ATXN10: variants seen among roughly 807,000 people sequenced by gnomAD.
ATXN10 encodes the protein ataxin-10.
ATXN10 carries 28 observed loss-of-function variants against 52.9 expected under a neutral mutation model. That is an observed-to-expected ratio of 0.53 (90% CI 0.39 to 0.73). The LOEUF is 0.73. Ranked by LOEUF, ATXN10 falls within the 30% of genes least tolerant of loss-of-function variation. The pLI, the probability that ATXN10 is intolerant of heterozygous loss-of-function variation, is 0.00. For synonymous variants in ATXN10, 226 were observed against 221.5 expected, an observed-to-expected ratio of 1.02 and a Z score of -0.18; for missense variants, 565 against 577.0, an observed-to-expected ratio of 0.98 and a Z score of 0.21.
chr22:45,697,141 A>T (rs879501155), intron 3 of ATXN10, among the ~76,000 whole-genome samples: 103 of 149,666 alleles, frequency 6.9e-4, no homozygotes, highest in Non-Finnish European at 1.3e-3. Context: ...TAAAAAAAAA[A>T]TTTTTTTTTT....
At chr22:45,836,086 G>A (rs544515701) in intron 10 of ATXN10, among the ~76,000 whole-genome samples, 1 of 152,316 alleles carries the variant, frequency 6.6e-6, no homozygotes, top group African/African-American at 2.4e-5. Flanking sequence ...AAGGAAGAGG[G>A]AGCCAAAATG....
At chr22:45,706,543 A>G (rs538369328) in intron 5 of ATXN10, among the ~76,000 whole-genome samples, 4 of 152,304 alleles carry the variant, frequency 2.6e-5, no homozygotes, top group African/African-American at 7.2e-5. Flanking sequence ...TACATCTACA[A>G]ATTTCCTGGT....
At chr22:45,829,020 C>T (rs1228585066) in intron 10 of ATXN10, among the ~76,000 whole-genome samples, 1 of 152,192 alleles carries the variant, frequency 6.6e-6, no homozygotes, top group Admixed American at 6.5e-5. Flanking sequence ...AAGAATTACA[C>T]ACCATGACCA....
chr22:45,671,917 T>G lies in ATXN10; in HGVS notation c.-147T>G, dbSNP rs1922453414. 1 of 858,894 alleles carries G rather than the reference T, an allele frequency of 1.2e-6. No homozygotes were observed. Among genetic ancestry groups the G allele is most frequent in the African/African-American group, 1.8e-5 (1 of 56,644 alleles). 53.2% of individuals were successfully genotyped at this position (858,894 alleles called of 1,614,324 possible). A position where few individuals can be genotyped will look rare whatever the true frequency, so the allele number is the denominator to read the frequency against. ...GGCGCAGCTTCAGGGCAGCGCGGGC[T>G]GCAGCGGCGGCGGCGGTTAGGGCTG... is the stretch of plus-strand genomic sequence containing the variant. On this transcript the variant is annotated 5_prime_UTR_variant, in exon 1 of 12. Transcript: ENST00000252934.
At chr22:45,721,045 G>C (rs550304658) in intron 6 of ATXN10, among the ~76,000 whole-genome samples, 30 of 152,254 alleles carry the variant, frequency 2.0e-4, no homozygotes, top group African/African-American at 6.0e-4. Context: ...AAATTCTTAA[G>C]CTTTTTTCTT....
At position 45,754,211 on chromosome 22, in the gene ATXN10, G is replaced by A. The variant is rs781338618; in HGVS notation, c.1173+13673G>A. On this transcript the variant is annotated intron_variant, in intron 9 of 11. Coordinates refer to ENST00000252934, the MANE Select transcript of ATXN10 (RefSeq NM_013236.4). This position sits in a 1 kb window ranked among gnomAD's most constrained non-coding sequence, Gnocchi z 5.4. ...CCAGCAGCTTGGCACGTGTACCTTCGTGGTGCATGGGAAATTTTGATTCAG... is the reference window on the plus strand; with the variant it reads ...CCAGCAGCTTGGCACGTGTACCTTCATGGTGCATGGGAAATTTTGATTCAG... Among the ~76,000 whole-genome samples the A allele has an allele frequency of 3.9e-5, 6 of 152,242 alleles. No homozygotes were observed. The highest frequency in any genetic ancestry group is 1.2e-4 in the African/African-American group (5 of 41,458).
chr22:45,694,480 C>T (rs1053117491), intron 3 of ATXN10, among the ~76,000 whole-genome samples: 6 of 151,810 alleles, frequency 4.0e-5, no homozygotes, highest in South Asian at 2.1e-4. Flanking sequence ...GGTGAAACCC[C>T]GTTTCCAAAA....
chr22:45,758,681 C>T (rs1345214852), intron 9 of ATXN10, among the ~76,000 whole-genome samples: 1 of 152,250 alleles, frequency 6.6e-6, no homozygotes, highest in Non-Finnish European at 1.5e-5. Context: ...TGCACACGCA[C>T]ATGTGCATAC....
At chr22:45,800,244 C>T (rs1168195573) in intron 9 of ATXN10, among the ~76,000 whole-genome samples, 1 of 152,160 alleles carries the variant, frequency 6.6e-6, no homozygotes, top group Admixed American at 6.5e-5. Context: ...AGGACTTACT[C>T]ATATGCAGAA....
At chr22:45,773,969 T>C (rs1926865088) in intron 9 of ATXN10, among the ~76,000 whole-genome samples, 1 of 152,244 alleles carries the variant, frequency 6.6e-6, no homozygotes, top group Admixed American at 6.5e-5. Context: ...AGATTTCTCA[T>C]TGCAGTCCTG....
rs1475738121 is a variant in ATXN10, at chr22:45,766,339, C to T, written c.1173+25801C>T. 6.6e-6 allele frequency among the ~76,000 whole-genome samples: 1 copy of T among 152,150 alleles called. No individual in the cohort carries two copies. Among genetic ancestry groups the T allele is most frequent in the Non-Finnish European group, 1.5e-5 (1 of 68,018 alleles). The stretch of plus-strand genomic sequence containing the variant: ...GTTGTGAACTGTGCATGCGAGGGAT[C>T]TAGGTTGCAAGCTGTCTATGAGAAT... On this transcript the variant is annotated intron_variant, in intron 9 of 11. Transcript: ENST00000252934. This position sits in a 1 kb window ranked among gnomAD's most constrained non-coding sequence, Gnocchi z 4.6.
rs745800911 is a variant in ATXN10, at chr22:45,672,194, C to CG, written c.116+21dup. The CG allele has an allele frequency of 7.2e-6, 11 of 1,523,254 alleles. No individual in the cohort carries two copies. The East Asian group carries it at 7.6e-5, about 11-fold the overall frequency. The allele number at this position is 1,523,254 out of a possible 1,614,324, so 94.4% of individuals were successfully genotyped here. The stretch of plus-strand genomic sequence containing the variant: ...CAGCGGAACCGGTAACGGGTCCGGC[C>CG]GGGGGGCTGCCCCGGGCAGGGGAGG... On this transcript the variant is annotated intron_variant, in intron 1 of 11. Transcript: ENST00000252934.
chr22:45,700,567 G>A (rs1923804122), intron 4 of ATXN10, among the ~76,000 whole-genome samples, 189 bp downstream of exon 4: 1 of 151,994 alleles, frequency 6.6e-6, no homozygotes, highest in Non-Finnish European at 1.5e-5. Context: ...GGAAGTGTTC[G>A]TCTATATCTT....
chr22:45,773,984 G>A (rs1345215986), intron 9 of ATXN10, among the ~76,000 whole-genome samples: 1 of 152,170 alleles, frequency 6.6e-6, no homozygotes, highest in African/African-American at 2.4e-5. Context: ...GTCCTGTCTG[G>A]GTAGAGAGAA....
intron 4 of ATXN10, among the ~76,000 whole-genome samples, chr22:45,702,416 A>G (rs1022262550): frequency 6.6e-6 from 1 of 152,180 alleles, no homozygotes; most frequent in Non-Finnish European, 1.5e-5. Flanking sequence ...TATAAATGTA[A>G]TCATTCTAAT....
rs1239833525 is a variant in ATXN10, at chr22:45,783,571, G to A, written c.1174-23388G>A. The stretch of plus-strand genomic sequence containing the variant: ...CTCTTCTGTATTCCTGCAGCCCTTC[G>A]TGTTTCCCTCCAGTGCTGGATGTGA... On this transcript the variant is annotated intron_variant, in intron 9 of 11. Coordinates refer to ENST00000252934, the MANE Select transcript of ATXN10 (RefSeq NM_013236.4). This position sits in a 1 kb window ranked among gnomAD's most constrained non-coding sequence, Gnocchi z 5.0. Among the ~76,000 whole-genome samples, 1 of 152,116 alleles carries A rather than the reference G, an allele frequency of 6.6e-6. No individual in the cohort carries two copies. Among genetic ancestry groups the A allele is most frequent in the South Asian group, 2.1e-4 (1 of 4,822 alleles).
chr22:45,725,054 A>G (rs1268420659), intron 6 of ATXN10, among the ~76,000 whole-genome samples: 6 of 152,126 alleles, frequency 3.9e-5, no homozygotes, highest in African/African-American at 1.4e-4. Flanking sequence ...TTTGGTTACT[A>G]TAGACTTGTA....
chr22:45,770,772 C>T lies in ATXN10; in HGVS notation c.1173+30234C>T, dbSNP rs184487975. Among the ~76,000 whole-genome samples the T allele has an allele frequency of 3.0e-4, 46 of 152,334 alleles. No individual in the cohort carries two copies. Among genetic ancestry groups the T allele is most frequent in the African/African-American group, 9.9e-4 (41 of 41,576 alleles). ...GGGAGCTAAGGGCAGGATCCAGCCACGTCACATTCTCCATGCCTTGCTGGG... is the reference window on the plus strand; with the variant it reads ...GGGAGCTAAGGGCAGGATCCAGCCATGTCACATTCTCCATGCCTTGCTGGG... On this transcript the variant is annotated intron_variant, in intron 9 of 11. Transcript: ENST00000252934. This position sits in a 1 kb window ranked among gnomAD's most constrained non-coding sequence, Gnocchi z 4.5.
intron 10 of ATXN10, among the ~76,000 whole-genome samples, chr22:45,809,875 T>A (rs922997812): frequency 6.6e-6 from 1 of 152,244 alleles, no homozygotes; most frequent in Admixed American, 6.5e-5. Context: ...TGTGATTACC[T>A]TGTCATTTTC....
Sources: allele counts gnomAD v4.1 joint callset (sites outside exome capture counted in the v4.1 genomes callset), GRCh38; gene constraint gnomAD v4.1.1; non-coding constraint Gnocchi (gnomAD v3.1); transcripts MANE v1.5; gene names NCBI Gene and HGNC (gene_info 2026-07-23, HGNC 2026-07-21).